LRIG2: variants seen among roughly 807,000 people sequenced by gnomAD.
The protein encoded by LRIG2 is leucine rich repeats and immunoglobulin like domains 2.
Under a neutral mutation model 107.8 loss-of-function variants are expected in LRIG2, and 93 were observed. The ratio of observed to expected loss-of-function variants is 0.86; its 90% CI spans 0.73 to 1.03. The LOEUF (loss-of-function observed/expected upper bound fraction) is 1.03. LRIG2 is among the 50% of genes least tolerant of loss of function. LRIG2 has a pLI of 0.00. For synonymous variants in LRIG2, 471 were observed against 470.6 expected (o/e 1.00, Z -0.01); for missense variants, 1,226 against 1,296.0 (o/e 0.95, Z 0.83).
intron 2 of LRIG2, 127 bp from the exon 3 acceptor site, chr1:113,093,079 C>A: frequency 1.6e-6 from 1 of 614,112 alleles, no homozygotes; most frequent in Admixed American, 3.5e-5. Flanking sequence ...TCGTCTAACT[C>A]ATTCTGAGTC....
rs907436943 is a variant in LRIG2, at chr1:113,129,691, T to G, written c.*5590T>G. On this transcript the variant is annotated 3_prime_UTR_variant, in exon 18 of 18. Transcript: ENST00000361127. ...ATGTCTGCCTAATGCTAATCAGGAA[T>G]GTTGCAAACTGAAATGCTCCTTTCC... 6.6e-6 allele frequency: 1 copy of G among 152,252 alleles called. No individual in the cohort carries two copies. Among genetic ancestry groups the G allele is most frequent in the African/African-American group, 2.4e-5 (1 of 41,462 alleles). 9.4% of individuals were successfully genotyped at this position (152,252 alleles called of 1,614,324 possible).
chr1:113,115,268 G>T (rs1160157457), intron 15 of LRIG2, among the ~76,000 whole-genome samples: 1 of 152,196 alleles, frequency 6.6e-6, no homozygotes, highest in Non-Finnish European at 1.5e-5. Flanking sequence ...AGGTCAGAGT[G>T]TATCGGTACA....
At chr1:113,086,159 A>G (rs1419405737) in intron 1 of LRIG2, among the ~76,000 whole-genome samples, 1 of 151,856 alleles carries the variant, frequency 6.6e-6, no homozygotes, top group Non-Finnish European at 1.5e-5. Context: ...ACACGCCACC[A>G]CACCTGGCTA....
chr1:113,093,007 A>G (rs541552867), intron 2 of LRIG2, among the ~76,000 whole-genome samples, 199 bp from the exon 3 acceptor site: 1 of 152,220 alleles, frequency 6.6e-6, no homozygotes, highest in South Asian at 2.1e-4. Flanking sequence ...AAAGAAAAAA[A>G]AAAGAAAGAA....
Position 113,073,453 on chromosome 1 carries a change from G to A in LRIG2, c.47G>A (p.Cys16Tyr). ...GTCCCGGAGGAGCAGTTGCTGGGGT[G>A]TCGATCTAGAGTGCTTTCTCGGTTA... ...LGVPEEQLLG[C>Y]RSRVLSRLLF... Residue 16 changes from cysteine to tyrosine, a missense_variant, in exon 1 of 18, where the codon TGT becomes TAT. Cys to Tyr is a radical substitution (Grantham distance 194, BLOSUM62 -2). Around this residue, in one of 3 missense-constraint regions of LRIG2, gnomAD observed 570 missense variants for 550.2 expected, o/e 1.04. Transcript: ENST00000361127. 6.2e-7 allele frequency: 1 copy of A among 1,614,184 alleles called. No homozygotes were observed. The highest frequency in any genetic ancestry group is 8.5e-7 in the Non-Finnish European group (1 of 1,180,002).
At chr1:113,080,900 A>G (rs75036325) in intron 1 of LRIG2, among the ~76,000 whole-genome samples, 7 of 142,832 alleles carry the variant, frequency 4.9e-5, no homozygotes, top group African/African-American at 8.0e-5. Flanking sequence ...CTGGAGTGCA[A>G]TGGCACAATG....
chr1:113,108,212 A>C (rs1438878519), intron 12 of LRIG2, among the ~76,000 whole-genome samples: 2 of 151,174 alleles, frequency 1.3e-5, no homozygotes, highest in African/African-American at 4.9e-5. Context: ...TAGCACTTAT[A>C]ATTTCAAATA....
chr1:113,073,238 G>A lies in LRIG2; in HGVS notation c.-169G>A. On this transcript the variant is annotated 5_prime_UTR_variant, in exon 1 of 18. Transcript: ENST00000361127. ...GTCAGGCCGTGTGTCCCAGGCCGTC[G>A]ACCCCGCTGTCGCGCTGCGTCTGCT... 1.6e-6 allele frequency: 1 copy of A among 637,790 alleles called. No individual in the cohort carries two copies. 39.5% of individuals were successfully genotyped at this position (637,790 alleles called of 1,614,324 possible). A position where few individuals can be genotyped will look rare whatever the true frequency, so the allele number is the denominator to read the frequency against.
chr1:113,078,732 C>T (rs1013993767), intron 1 of LRIG2, among the ~76,000 whole-genome samples: 37 of 151,702 alleles, frequency 2.4e-4, no homozygotes, highest in African/African-American at 8.2e-4. Context: ...CCTCCACTTC[C>T]CAGGTTCAAA....
At chr1:113,123,302 C>T (rs1033821076) in intron 17 of LRIG2, among the ~76,000 whole-genome samples, 11 of 152,130 alleles carry the variant, frequency 7.2e-5, no homozygotes, top group South Asian at 2.1e-4. Context: ...TGGCCGGGCA[C>T]GGTGGCTCAC....
intron 13 of LRIG2, 62 bp downstream of exon 13, chr1:113,110,624 A>G: frequency 1.7e-6 from 2 of 1,206,484 alleles, no homozygotes; most frequent in South Asian, 1.5e-5. Flanking sequence ...TCAGTTTTGA[A>G]TCACTTGAGA....
chr1:113,099,978 T>C (rs1654236593), intron 9 of LRIG2, among the ~76,000 whole-genome samples: 1 of 152,210 alleles, frequency 6.6e-6, no homozygotes, highest in Non-Finnish European at 1.5e-5. Context: ...TTTTATGCTA[T>C]GTTTTGCATT....
At chr1:113,087,778 T>G (rs1279951728) in intron 1 of LRIG2, among the ~76,000 whole-genome samples, 2 of 152,140 alleles carry the variant, frequency 1.3e-5, no homozygotes, top group Non-Finnish European at 2.9e-5. Flanking sequence ...TTGATCAAAT[T>G]CCAGAGTGAA....
At chr1:113,091,553 A>T (rs1179194937) in intron 2 of LRIG2, among the ~76,000 whole-genome samples, 170 bp downstream of exon 2, 1 of 152,230 alleles carries the variant, frequency 6.6e-6, no homozygotes, top group Non-Finnish European at 1.5e-5. Context: ...TGTTATTATC[A>T]GACTGTCTTG....
At chr1:113,104,072 C>T (rs1052445067) in intron 11 of LRIG2, among the ~76,000 whole-genome samples, 4 of 152,256 alleles carry the variant, frequency 2.6e-5, no homozygotes, top group South Asian at 2.1e-4. Context: ...TGGTTCTGTC[C>T]ACCTCCTCCT....
Position 113,095,971 on chromosome 1 carries a change from A to G in LRIG2, c.901A>G (p.Arg301Gly), listed in dbSNP as rs753317788. 1.2e-6 allele frequency: 2 copies of G among 1,614,222 alleles called. No individual in the cohort carries two copies. Among genetic ancestry groups the G allele is most frequent in the Non-Finnish European group, 1.7e-6 (2 of 1,180,036 alleles). Residue 301 changes from arginine to glycine, a missense_variant, in exon 7 of 18, where the codon AGA becomes GGA. Transcript: ENST00000361127. ...CTATGTGAGCCAGAATGCTATTGAA[A>G]GAATCAGCCCTGATGCATGGGAGTT... ...QLYVSQNAIE[R>G]ISPDAWEFCQ...
chr1:113,073,493 G>C lies in LRIG2; in HGVS notation c.87G>C (p.Gln29His), dbSNP rs1570713428. 2 of 1,614,158 alleles carry C rather than the reference G, an allele frequency of 1.2e-6. No individual in the cohort carries two copies. Among genetic ancestry groups the C allele is most frequent in the East Asian group, 2.2e-5 (1 of 44,868 alleles). Residue 29 changes from glutamine to histidine, a missense_variant, in exon 1 of 18, where the codon CAG becomes CAC. Around this residue, in one of 3 missense-constraint regions of LRIG2, gnomAD observed 570 missense variants for 550.2 expected, o/e 1.04. Coordinates refer to ENST00000361127, the MANE Select transcript of LRIG2 (RefSeq NM_014813.3). ...RVLSRLLFIA[Q>H]TALLLLPAAG... ...TTTCTCGGTTACTCTTCATTGCCCA[G>C]ACCGCTCTCCTCCTGTTGCCCGCCG...
Position 113,129,292 on chromosome 1 carries a change from AGAGT to A in LRIG2, c.*5195_*5198del, listed in dbSNP as rs1227958447. ...CACCACTGCACTCCAGCCTGGTGAC[AGAGT>A]GAGACTCCGTCTCAAAAAAAAAAAA... On this transcript the variant is annotated 3_prime_UTR_variant, in exon 18 of 18. Coordinates refer to ENST00000361127, the MANE Select transcript of LRIG2 (RefSeq NM_014813.3). The A allele has an allele frequency of 8.2e-6, 1 of 121,690 alleles. No individual in the cohort carries two copies. Among genetic ancestry groups the A allele is most frequent in the African/African-American group, 3.1e-5 (1 of 32,658 alleles). The allele number at this position is 121,690 out of a possible 1,614,324, so 7.5% of individuals were successfully genotyped here.
chr1:113,096,403 G>T (rs772512173), intron 8 of LRIG2, 38 bp downstream of exon 8: 18 of 1,584,770 alleles, frequency 1.1e-5, no homozygotes, highest in Non-Finnish European at 1.5e-5. Flanking sequence ...TGTTGTTACT[G>T]ATTTTTTTAG....
Sources: allele counts gnomAD v4.1 joint callset (sites outside exome capture counted in the v4.1 genomes callset), GRCh38; gene constraint gnomAD v4.1.1; regional missense constraint gnomAD v4.1.1; transcripts MANE v1.5; gene names NCBI Gene and HGNC (gene_info 2026-07-23, HGNC 2026-07-21).